The following QRICH1 variants were observed in gnomAD, a reference collection of about 807,000 sequenced individuals.
The protein encoded by QRICH1 is glutamine rich 1, also known as transcriptional regulator QRICH1.
QRICH1 carries 16 observed loss-of-function variants against 87.1 expected under a neutral mutation model. That is an observed-to-expected ratio of 0.18 (90% CI 0.12 to 0.28). The LOEUF is 0.28. Ranked by LOEUF, QRICH1 falls within the 10% of genes least tolerant of loss-of-function variation. The pLI is 1.00. For missense variants in QRICH1, 647 were observed against 951.7 expected (o/e 0.68, Z 4.21); for synonymous variants, 367 against 368.4 (o/e 1.00, Z 0.05).
chr3:49,047,772 T>C (rs1394653261), intron 3 of QRICH1, among the ~76,000 whole-genome samples: 1 of 151,922 alleles, frequency 6.6e-6, no homozygotes, highest in Non-Finnish European at 1.5e-5. Flanking sequence ...CGTGAACCAC[T>C]GTGCCCGGTC....
At chr3:49,062,842 T>C (rs182879699) in intron 2 of QRICH1, among the ~76,000 whole-genome samples, 91 of 151,650 alleles carry the variant, frequency 6.0e-4, no homozygotes, top group Non-Finnish European at 1.1e-3. Flanking sequence ...CCCATTTCTA[T>C]TAAAATAATT....
chr3:49,056,175 C>T (rs1312320438), intron 3 of QRICH1, among the ~76,000 whole-genome samples: 1 of 152,044 alleles, frequency 6.6e-6, no homozygotes, highest in African/African-American at 2.4e-5. Flanking sequence ...GTGGTTTCAT[C>T]ATATTGGCCA....
At chr3:49,033,035 G>T in intron 7 of QRICH1, 85 bp downstream of exon 7, 2 of 1,124,802 alleles carry the variant, frequency 1.8e-6, no homozygotes, top group Non-Finnish European at 2.5e-6. Context: ...TCAAATATAT[G>T]TCAGAGGAAT....
intron 2 of QRICH1, among the ~76,000 whole-genome samples, chr3:49,071,588 C>T (rs1164237856): frequency 6.6e-6 from 1 of 151,992 alleles, no homozygotes; most frequent in Admixed American, 6.6e-5. Flanking sequence ...TGAATGAAAC[C>T]CCACCTCTAC....
At position 49,046,279 on chromosome 3, in the gene QRICH1, C is replaced by A. The variant is rs373319042; in HGVS notation, c.1671+146G>T. The A allele has an allele frequency of 1.8e-3, 934 of 528,336 alleles. 4 individuals are homozygous for A. The highest frequency in any genetic ancestry group is 6.3e-3 in the East Asian group (124 of 19,662). The allele number at this position is 528,336 out of a possible 1,614,324, so 32.7% of individuals were successfully genotyped here. ...TTAAAACTTAAAAAAAAAAAAAAAA[C>A]AACAAATGTGTATTTTAAAACTCAC... is the stretch of plus-strand genomic sequence containing the variant. On this transcript the variant is annotated intron_variant, in intron 5 of 9. Coordinates refer to ENST00000395443, the MANE Select transcript of QRICH1 (RefSeq NM_198880.3).
chr3:49,085,153 A>C (rs1489723291), intron 1 of QRICH1, among the ~76,000 whole-genome samples: 1 of 152,178 alleles, frequency 6.6e-6, no homozygotes, highest in Non-Finnish European at 1.5e-5. Flanking sequence ...AAAAAAAAAA[A>C]AATCATCTTT....
chr3:49,078,386 CTTTTTTTTTTTTTTTTTTT>C (rs60933196), intron 1 of QRICH1, among the ~76,000 whole-genome samples: 2 of 69,848 alleles, frequency 2.9e-5, no homozygotes, highest in East Asian at 1.0e-3. Context: ...ATTATGGTTC[CTTTTTTTTTTTTTTTTTTT>C]TTTTTTTGAG....
chr3:49,066,465 CT>C (rs747105949), intron 2 of QRICH1, among the ~76,000 whole-genome samples: 311 of 143,188 alleles, frequency 2.2e-3, no homozygotes, highest in Middle Eastern at 7.3e-3. Context: ...CTTTACTTTT[CT>C]TTTTTTTTTT....
At chr3:49,066,729 T>C (rs1183073796) in intron 2 of QRICH1, among the ~76,000 whole-genome samples, 3 of 152,170 alleles carry the variant, frequency 2.0e-5, no homozygotes, top group Non-Finnish European at 4.4e-5. Context: ...ATCTGATCAA[T>C]TGATTTTTCT....
chr3:49,045,787 T>G (rs576202831), intron 5 of QRICH1, among the ~76,000 whole-genome samples: 19 of 151,198 alleles, frequency 1.3e-4, no homozygotes, highest in Non-Finnish European at 2.7e-4. Flanking sequence ...AGATGGGGTT[T>G]CACTATGTTG....
At position 49,047,357 on chromosome 3, in the gene QRICH1, C is replaced by T. The variant is rs903108146; in HGVS notation, c.1339-111G>A. The T allele has an allele frequency of 7.7e-6, 8 of 1,032,972 alleles. No individual in the cohort carries two copies. In the African/African-American group the frequency reaches 8.1e-5, roughly 10 times the overall value. The allele number at this position is 1,032,972 out of a possible 1,614,324, so 64.0% of individuals were successfully genotyped here. ...TTCATTTATTTAAGAAAATATTTCT[C>T]TACTCATTGCTGTCCTACTTTTAAG... On this transcript the variant is annotated intron_variant, in intron 3 of 9. Coordinates refer to ENST00000395443, the MANE Select transcript of QRICH1 (RefSeq NM_198880.3).
At chr3:49,067,658 G>A (rs929370221) in intron 2 of QRICH1, among the ~76,000 whole-genome samples, 3 of 151,622 alleles carry the variant, frequency 2.0e-5, no homozygotes, top group Non-Finnish European at 4.4e-5. Flanking sequence ...TTTTCACTGG[G>A]TAGAAAATTA....
At chr3:49,079,486 A>G (rs1193383698) in intron 1 of QRICH1, among the ~76,000 whole-genome samples, 1 of 147,976 alleles carries the variant, frequency 6.8e-6, no homozygotes, top group Non-Finnish European at 1.5e-5. Flanking sequence ...AAATATAAAA[A>G]TATTATAATT....
chr3:49,066,304 AG>A (rs1049210272), intron 2 of QRICH1, among the ~76,000 whole-genome samples: 1 of 152,026 alleles, frequency 6.6e-6, no homozygotes, highest in Non-Finnish European at 1.5e-5. Context: ...AATAAGGGTA[AG>A]GAAAAAAAAA....
At chr3:49,078,694 CTTTTTTT>C (rs57367580) in intron 1 of QRICH1, among the ~76,000 whole-genome samples, 2 of 78,914 alleles carry the variant, frequency 2.5e-5, no homozygotes, top group South Asian at 3.8e-4. Flanking sequence ...CACACCTGTC[CTTTTTTT>C]TTTTTTTTTT....
At position 49,057,730 on chromosome 3, in the gene QRICH1, T is replaced by C. The variant is rs1559938462; in HGVS notation, c.470A>G (p.Gln157Arg). The part of the protein sequence containing the change: ...AAPSIQTPSL[Q>R]SPSPSQLQAA... ...TTGCAGCTGCGAGGGACTGGGACTCTGCAGAGACGGGGTCTGAATGGAGGG... is the reference window on the plus strand; with the variant it reads ...TTGCAGCTGCGAGGGACTGGGACTCCGCAGAGACGGGGTCTGAATGGAGGG... The change falls in exon 3 of 10, where the codon CAG becomes CGG. Residue 157 changes from glutamine (Q) to arginine (R), a missense_variant. Physicochemically the swap from Gln to Arg is conservative, Grantham distance 43 (BLOSUM62 1). Around this residue, in one of 7 missense-constraint regions of QRICH1, gnomAD observed 156 missense variants for 164.5 expected, o/e 0.95. Coordinates refer to ENST00000395443, the MANE Select transcript of QRICH1 (RefSeq NM_198880.3). This position sits in a 1 kb window ranked among gnomAD's most constrained non-coding sequence, Gnocchi z 5.4. The C allele has an allele frequency of 1.2e-6, 2 of 1,614,182 alleles. No homozygotes were observed. Among genetic ancestry groups the C allele is most frequent in the Non-Finnish European group, 1.7e-6 (2 of 1,180,038 alleles).
intron 2 of QRICH1, among the ~76,000 whole-genome samples, chr3:49,068,938 G>C: frequency 6.6e-6 from 1 of 151,128 alleles, no homozygotes; most frequent in East Asian, 2.0e-4. Context: ...GCCAAACTTG[G>C]CTAAAATTTA....
chr3:49,065,238 G>A (rs2093460978), intron 2 of QRICH1, among the ~76,000 whole-genome samples: 1 of 151,378 alleles, frequency 6.6e-6, no homozygotes, highest in Non-Finnish European at 1.5e-5. Context: ...TTTGCCTCCT[G>A]GGTTCAAGCA....
Position 49,093,913 on chromosome 3 carries a change from CGGCG to C in QRICH1, c.-27_-24del, listed in dbSNP as rs1385171199. On this transcript the variant is annotated splice_region_variant and 5_prime_UTR_variant, in exon 1 of 10. Coordinates refer to ENST00000395443, the MANE Select transcript of QRICH1 (RefSeq NM_198880.3). Reference sequence around the variant, plus strand: ...CCCCACCCGCACTGGAGCCCTCACCCGGCGACGTCACTGCCGCCGCCGCCGCCGC... The same window carrying C: ...CCCCACCCGCACTGGAGCCCTCACCCACGTCACTGCCGCCGCCGCCGCCGC... 2 of 399,276 alleles carry C rather than the reference CGGCG, an allele frequency of 5.0e-6. No individual in the cohort carries two copies. The highest frequency in any genetic ancestry group is 8.8e-6 in the Non-Finnish European group (2 of 228,006). The allele number at this position is 399,276 out of a possible 1,614,324, so 24.7% of individuals were successfully genotyped here.
Sources: gnomAD v4.1 joint callset for allele counts (sites outside exome capture counted in the v4.1 genomes callset) on GRCh38, gnomAD v4.1.1 for gene constraint, gnomAD v4.1.1 regional missense constraint, Gnocchi (gnomAD v3.1) non-coding constraint, MANE v1.5 for transcripts, NCBI Gene and HGNC (gene_info 2026-07-23, HGNC 2026-07-21) for gene names.